Variants in RPGRIP1L observed in about 807,000 individuals in gnomAD.
RPGRIP1L encodes RPGRIP1 like.
Under a neutral mutation model 160.4 loss-of-function variants are expected in RPGRIP1L, and 131 were observed. The ratio of observed to expected loss-of-function variants is 0.82; its 90% CI spans 0.71 to 0.94. The LOEUF is 0.94. Among genes scored for constraint, RPGRIP1L ranks in the 40% least tolerant of loss-of-function variants. The pLI is 0.00. For synonymous variants in RPGRIP1L, 510 were observed against 515.8 expected, an observed-to-expected ratio of 0.99 and a Z score of 0.15; for missense variants, 1,522 against 1,535.8, an observed-to-expected ratio of 0.99 and a Z score of 0.15.
At chr16:53,620,419 T>C (rs1360800981) in intron 23 of RPGRIP1L, among the ~76,000 whole-genome samples, 1 of 152,168 alleles carries the variant, frequency 6.6e-6, no homozygotes, top group African/African-American at 2.4e-5. Flanking sequence ...TTCAATAAGG[T>C]TATTTTATTA....
chr16:53,623,627 A>T (rs1266771133), intron 22 of RPGRIP1L, among the ~76,000 whole-genome samples: 2 of 152,240 alleles, frequency 1.3e-5, no homozygotes, highest in Non-Finnish European at 2.9e-5. Context: ...TGAGGCCCTG[A>T]ACCACACATC....
chr16:53,692,669 A>G (rs1970468298), intron 3 of RPGRIP1L, among the ~76,000 whole-genome samples: 1 of 152,238 alleles, frequency 6.6e-6, no homozygotes, highest in African/African-American at 2.4e-5. Flanking sequence ...ATGACCTTAT[A>G]TAGGAATGCT....
chr16:53,615,907 T>C (rs765918694), intron 24 of RPGRIP1L, among the ~76,000 whole-genome samples: 1 of 152,158 alleles, frequency 6.6e-6, no homozygotes, highest in Admixed American at 6.5e-5. Context: ...AGGAGATATA[T>C]ATTTTTGTGT....
intron 6 of RPGRIP1L, among the ~76,000 whole-genome samples, chr16:53,684,389 T>C (rs1475012709): frequency 6.6e-6 from 1 of 152,180 alleles, no homozygotes; most frequent in Non-Finnish European, 1.5e-5. Context: ...GTGGCACATA[T>C]ACACCATGGA....
In RPGRIP1L at chr16:53,615,742, G is replaced by A. The variant is rs575688718; in HGVS notation, c.3616+3283C>T. Reference sequence around the variant, plus strand: ...GCCTCCCAAAGTGCTGGGATTTCAGGTGTGAGCCACTATGCCAGGACGACT... The same window carrying A: ...GCCTCCCAAAGTGCTGGGATTTCAGATGTGAGCCACTATGCCAGGACGACT... On this transcript the variant is annotated intron_variant, in intron 24 of 26. Coordinates refer to ENST00000647211, the MANE Select transcript of RPGRIP1L (RefSeq NM_015272.5). 9.9e-5 allele frequency among the ~76,000 whole-genome samples: 15 copies of A among 152,000 alleles called. No homozygotes were observed. The East Asian group carries it at 2.9e-3, about 29-fold the overall frequency.
chr16:53,649,229 A>T (rs1567836254), intron 15 of RPGRIP1L, 114 bp from the exon 16 acceptor site: 1 of 825,884 alleles, frequency 1.2e-6, no homozygotes, highest in Admixed American at 2.1e-5. Context: ...TGCTGAGTAA[A>T]ATAATATGAC....
At chr16:53,695,929 T>G in intron 3 of RPGRIP1L, 1 of 492,896 alleles carries the variant, frequency 2.0e-6, no homozygotes, top group Non-Finnish European at 3.6e-6. Flanking sequence ...TCTATTAGCT[T>G]TTTTCATTTA....
rs758403877 is a variant in RPGRIP1L at position 53,658,422 on chromosome 16, G to A, written c.1393C>T (p.Leu465Phe). The A allele has an allele frequency of 2.3e-5, 37 of 1,610,398 alleles. No homozygotes were observed. The highest frequency in any genetic ancestry group is 4.0e-5 in the African/African-American group (3 of 74,844). ...NADELSEALL[L>F]IKAQKEQKNG... Reference sequence around the variant, plus strand: ...GAAGTTCAGAACCTTACCTTTATAAGTAGGAGAGCTTCACTCAATTCATCA... The same window carrying A: ...GAAGTTCAGAACCTTACCTTTATAAATAGGAGAGCTTCACTCAATTCATCA... Residue 465 changes from leucine (L) to phenylalanine (F), a missense_variant, in exon 12 of 27, where the codon CTT becomes TTT. By Grantham distance (22) the Leu-to-Phe change is conservative. Transcript: ENST00000647211.
chr16:53,673,055 G>A (rs769785598), intron 7 of RPGRIP1L, 39 bp from the exon 8 acceptor site: 1 of 1,563,402 alleles, frequency 6.4e-7, no homozygotes, highest in South Asian at 1.1e-5. Context: ...CATTATTTTT[G>A]ACTAAATGAT....
Position 53,605,329 on chromosome 16 carries a change from T to G in RPGRIP1L, c.3835+152A>C, listed in dbSNP as rs1203958085. The G allele has an allele frequency of 4.9e-6, 4 of 816,316 alleles. No homozygotes were observed. The African/African-American group carries it at 6.7e-5, about 14-fold the overall frequency. The allele number at this position is 816,316 out of a possible 1,614,324, so 50.6% of individuals were successfully genotyped here. On this transcript the variant is annotated intron_variant, in intron 26 of 26. Transcript: ENST00000647211. ...ACAGGAAAAGGATATAGGAAGACGC[T>G]TCAGCTTCACCAAAGCGTCAACTTG...
intron 24 of RPGRIP1L, among the ~76,000 whole-genome samples, chr16:53,617,073 CAAAAAAAAAA>C (rs397945611): frequency 1.8e-4 from 4 of 21,856 alleles, no homozygotes; most frequent in South Asian, 1.5e-3. Context: ...CCTTGCATCA[CAAAAAAAAAA>C]AAAAAAAAAA....
At chr16:53,658,123 G>A (rs945293134) in intron 12 of RPGRIP1L, among the ~76,000 whole-genome samples, 4 of 152,078 alleles carry the variant, frequency 2.6e-5, no homozygotes, top group Non-Finnish European at 5.9e-5. Context: ...AAAGTAAAAC[G>A]TTTGTTATAA....
chr16:53,683,853 G>A lies in RPGRIP1L; in HGVS notation c.776+2580C>T, dbSNP rs1478622821. On this transcript the variant is annotated intron_variant, in intron 6 of 26. Coordinates refer to ENST00000647211, the MANE Select transcript of RPGRIP1L (RefSeq NM_015272.5). ...AAAGAAGAATGGGAAATAAAATATC[G>A]TACATTATAAAATGTCAGAGATGAC... Among the ~76,000 whole-genome samples the A allele has an allele frequency of 5.9e-5, 9 of 151,984 alleles. 1 individual carries two copies. In the South Asian group the frequency reaches 8.3e-4, roughly 14 times the overall value.
In RPGRIP1L at chr16:53,645,832, C is replaced by T. The variant is rs746015353; in HGVS notation, c.2476G>A (p.Asp826Asn). ...VYKFFDFADH[D>N]TAIIPSSNDP... ...TTGCTACTGGGAATGATAGCTGTAT[C>T]ATGGTCTGCAAAATCAAAAAACTTG... is the stretch of plus-strand genomic sequence containing the variant. The change falls in exon 17 of 27, where the codon GAT (aspartate) becomes AAT (asparagine). Residue 826 changes from aspartate to asparagine, a missense_variant. Coordinates refer to ENST00000647211, the MANE Select transcript of RPGRIP1L (RefSeq NM_015272.5). The T allele has an allele frequency of 4.5e-5, 73 of 1,613,964 alleles. No individual in the cohort carries two copies. Among genetic ancestry groups the T allele is most frequent in the Non-Finnish European group, 5.8e-5 (68 of 1,179,978 alleles).
intron 17 of RPGRIP1L, 58 bp from the exon 18 acceptor site, chr16:53,641,533 T>A (rs1413394961): frequency 1.4e-6 from 2 of 1,466,262 alleles, no homozygotes; most frequent in Non-Finnish European, 1.9e-6. Context: ...ACTGTAAGAA[T>A]TAAAGAACAA....
At chr16:53,633,283 T>C (rs1355261963) in intron 22 of RPGRIP1L, among the ~76,000 whole-genome samples, 1 of 152,224 alleles carries the variant, frequency 6.6e-6, no homozygotes, top group Admixed American at 6.5e-5. Context: ...AAAATGACAT[T>C]TTCTACCTCC....
chr16:53,659,313 T>C (rs1365634319), intron 10 of RPGRIP1L: 2 of 435,100 alleles, frequency 4.6e-6, no homozygotes, highest in Non-Finnish European at 6.3e-6. Context: ...ATATAGTATT[T>C]TTATTAAAAC....
At chr16:53,669,509 G>T (rs1167917026) in intron 9 of RPGRIP1L, among the ~76,000 whole-genome samples, 1 of 151,608 alleles carries the variant, frequency 6.6e-6, no homozygotes, top group Non-Finnish European at 1.5e-5. Context: ...TTCTAATATG[G>T]AAAGATAAAG....
At chr16:53,673,139 C>T in intron 7 of RPGRIP1L, 123 bp from the exon 8 acceptor site, 2 of 943,214 alleles carry the variant, frequency 2.1e-6, no homozygotes, top group East Asian at 2.6e-5. Context: ...TCACCTTATA[C>T]AGATTATTTT....
Sources: gnomAD v4.1 joint callset for allele counts (sites outside exome capture counted in the v4.1 genomes callset) on GRCh38, gnomAD v4.1.1 for gene constraint, MANE v1.5 for transcripts, NCBI Gene and HGNC (gene_info 2026-07-23, HGNC 2026-07-21) for gene names.